The following GRM7 variants were observed in gnomAD, a reference collection of about 807,000 sequenced individuals.
GRM7 encodes glutamate metabotropic receptor 7, also known as metabotropic glutamate receptor 7.
Under a neutral mutation model 84.5 loss-of-function variants are expected in GRM7, and 35 were observed. The ratio of observed to expected loss-of-function variants is 0.41; its 90% CI spans 0.32 to 0.55. The LOEUF (loss-of-function observed/expected upper bound fraction) is 0.55. GRM7 is among the 20% of genes least tolerant of loss of function. GRM7 has a pLI of 0.19. For synonymous variants in GRM7, 487 were observed against 455.1 expected (o/e 1.07, Z -0.89); for missense variants, 1,003 against 1,194.6 (o/e 0.84, Z 2.36).
chr3:7,301,493 A>G (rs113080034), intron 3 of GRM7, among the ~76,000 whole-genome samples: 75 of 152,278 alleles, frequency 4.9e-4, no homozygotes, highest in Non-Finnish European at 9.0e-4. Flanking sequence ...ATATGGTCTC[A>G]TGTTTGTTTT....
chr3:7,372,957 A>G (rs1392360702), intron 4 of GRM7, among the ~76,000 whole-genome samples: 3 of 152,112 alleles, frequency 2.0e-5, no homozygotes, highest in Non-Finnish European at 4.4e-5. Context: ...ACCTCATGTA[A>G]TATACCACTA....
chr3:7,490,996 C>G (rs188048319), intron 7 of GRM7, among the ~76,000 whole-genome samples: 2 of 151,772 alleles, frequency 1.3e-5, no homozygotes, highest in Non-Finnish European at 2.9e-5. Flanking sequence ...AAATATTTTA[C>G]ATTACAAATA....
chr3:7,408,703 G>A (rs1695787058), intron 4 of GRM7, among the ~76,000 whole-genome samples: 1 of 152,178 alleles, frequency 6.6e-6, no homozygotes, highest in South Asian at 2.1e-4. Flanking sequence ...GCAAATGCTA[G>A]CGGGGCTACC....
chr3:7,632,529 G>A (rs1697903678), intron 8 of GRM7, among the ~76,000 whole-genome samples: 1 of 152,184 alleles, frequency 6.6e-6, no homozygotes, highest in Non-Finnish European at 1.5e-5. Flanking sequence ...AAAGTGATAA[G>A]AGCCATCTGA....
At chr3:7,254,835 T>C (rs1698136264) in intron 2 of GRM7, among the ~76,000 whole-genome samples, 1 of 152,196 alleles carries the variant, frequency 6.6e-6, no homozygotes, top group Admixed American at 6.5e-5. Context: ...TGGTGATGAT[T>C]AAATGAGATA....
intron 1 of GRM7, chr3:6,892,553 A>G (rs545000971): frequency 1.3e-5 from 2 of 152,246 alleles, no homozygotes; most frequent in Admixed American, 6.5e-5. Flanking sequence ...AAGGTATAAT[A>G]TATTCCTGTC....
chr3:6,970,205 T>C (rs1023119785), intron 1 of GRM7, among the ~76,000 whole-genome samples: 1 of 56,018 alleles, frequency 1.8e-5, no homozygotes, highest in Admixed American at 1.8e-4. Flanking sequence ...TCCTGAAAAC[T>C]GCTCCAAGAC....
chr3:7,271,363 T>A (rs1267600932), intron 2 of GRM7, among the ~76,000 whole-genome samples: 1 of 151,694 alleles, frequency 6.6e-6, no homozygotes, highest in East Asian at 2.0e-4. Context: ...ATCGAGACCA[T>A]CCTGGCTAAC....
At position 6,864,388 on chromosome 3, in the gene GRM7, C is replaced by T. The variant is rs137870511; in HGVS notation, c.519+2481C>T. ...AGCCCTTTTTGCGTGTGATCTTAGA[C>T]GCTCCTGTCATGTAATTCCAGTCCC... On this transcript the variant is annotated intron_variant, in intron 1 of 9. Transcript: ENST00000357716. 9.6e-4 allele frequency among the ~76,000 whole-genome samples: 146 copies of T among 152,218 alleles called. 1 individual carries two copies. Among genetic ancestry groups the T allele is most frequent in the South Asian group, 6.6e-3 (32 of 4,826 alleles).
chr3:7,240,660 G>A (rs559353750), intron 2 of GRM7, among the ~76,000 whole-genome samples: 4 of 151,812 alleles, frequency 2.6e-5, no homozygotes, highest in African/African-American at 7.3e-5. Flanking sequence ...ATTGCTTTTC[G>A]GGAAGATTTC....
chr3:7,479,166 G>T (rs1467823225), intron 7 of GRM7, among the ~76,000 whole-genome samples: 1 of 152,020 alleles, frequency 6.6e-6, no homozygotes, highest in East Asian at 1.9e-4. Flanking sequence ...GGCGAGTCAG[G>T]CAAGAAAGGG....
chr3:7,005,513 C>T (rs758288704), intron 1 of GRM7, among the ~76,000 whole-genome samples: 2 of 152,132 alleles, frequency 1.3e-5, no homozygotes, highest in Admixed American at 6.6e-5. Flanking sequence ...TTCAATAGTA[C>T]CATATGTTAA....
At chr3:7,342,037 C>T (rs73113724) in intron 4 of GRM7, among the ~76,000 whole-genome samples, 6,366 of 152,172 alleles carry the variant, frequency 0.042, 297 homozygotes, top group African/African-American at 0.12. Context: ...TAAATATTCA[C>T]GAGTATAGGA....
intron 1 of GRM7, among the ~76,000 whole-genome samples, chr3:6,876,410 C>T (rs994242297): frequency 6.6e-6 from 1 of 152,016 alleles, no homozygotes; most frequent in African/African-American, 2.4e-5. Flanking sequence ...ACTTTGCTGG[C>T]TGTGGCAAAT....
chr3:7,015,331 CT>C (rs1487280775), intron 1 of GRM7, among the ~76,000 whole-genome samples: 3 of 151,986 alleles, frequency 2.0e-5, no homozygotes, highest in Non-Finnish European at 4.4e-5. Flanking sequence ...AAGGAACCAA[CT>C]GTGGATGCAG....
At chr3:7,029,658 T>C (rs183981335) in intron 1 of GRM7, among the ~76,000 whole-genome samples, 2 of 152,288 alleles carry the variant, frequency 1.3e-5, no homozygotes, top group Non-Finnish European at 2.9e-5. Context: ...AGTGGTCAAA[T>C]TCATAGTGAC....
At chr3:7,452,539 C>G in intron 5 of GRM7, 68 bp from the exon 6 acceptor site, 3 of 1,042,256 alleles carry the variant, frequency 2.9e-6, no homozygotes, top group Non-Finnish European at 4.5e-6. Context: ...TAAATTTGGA[C>G]ATTCTACTCA....
At chr3:6,876,995 G>C (rs1695330984) in intron 1 of GRM7, among the ~76,000 whole-genome samples, 1 of 152,142 alleles carries the variant, frequency 6.6e-6, no homozygotes, top group South Asian at 2.1e-4. Flanking sequence ...TGAAGTCTTT[G>C]TCTGATTGCA....
intron 7 of GRM7, among the ~76,000 whole-genome samples, chr3:7,496,003 C>G (rs779707): frequency 7.2e-5 from 11 of 152,144 alleles, no homozygotes; most frequent in Non-Finnish European, 1.5e-4. Flanking sequence ...ATTTTTATGG[C>G]CACCTTTTTC....
Sources: gnomAD v4.1 joint callset for allele counts (sites outside exome capture counted in the v4.1 genomes callset) on GRCh38, gnomAD v4.1.1 for gene constraint, MANE v1.5 for transcripts, NCBI Gene and HGNC (gene_info 2026-07-23, HGNC 2026-07-21) for gene names.